Variants in MYO1B observed in about 807,000 individuals in gnomAD.
The protein encoded by MYO1B is unconventional myosin-Ib.
Under a neutral mutation model 159.7 loss-of-function variants are expected in MYO1B, and 72 were observed. That is an observed-to-expected ratio of 0.45 (90% CI 0.37 to 0.55). MYO1B has a LOEUF of 0.55. Among genes scored for constraint, MYO1B ranks in the 20% least tolerant of loss-of-function variants. The probability of loss-of-function intolerance (pLI) is 0.00; values close to 1 mark genes in which losing one functional copy is unlikely to be tolerated. For synonymous variants in MYO1B, 468 were observed against 473.8 expected (o/e 0.99, Z 0.16); for missense variants, 1,062 against 1,364.8 (o/e 0.78, Z 3.50).
Position 191,330,046 on chromosome 2 carries a change from G to A in MYO1B, c.346+17G>A. The A allele has an allele frequency of 6.2e-7, 1 of 1,603,662 alleles. No homozygotes were observed. The highest frequency in any genetic ancestry group is 2.2e-5 in the East Asian group (1 of 44,634). On this transcript the variant is annotated intron_variant, in intron 4 of 30. Coordinates refer to ENST00000392318, the MANE Select transcript of MYO1B (RefSeq NM_001130158.3). The stretch of plus-strand genomic sequence containing the variant: ...GAAAAACAGGTAAGGCTCCTACCAA[G>A]CAACTCTGCAGAAGGTAAATGCTGC...
At chr2:191,257,670 A>G (rs1686538952) in intron 1 of MYO1B, among the ~76,000 whole-genome samples, 1 of 152,186 alleles carries the variant, frequency 6.6e-6, no homozygotes, top group South Asian at 2.1e-4. Context: ...TTTTATAAGT[A>G]TCTTAAAAAT....
At chr2:191,269,359 A>G (rs922351822) in intron 1 of MYO1B, among the ~76,000 whole-genome samples, 4 of 152,226 alleles carry the variant, frequency 2.6e-5, no homozygotes, top group East Asian at 1.9e-4. Flanking sequence ...GTAATGTTCC[A>G]TTTTGTGTAT....
chr2:191,393,019 A>G, intron 19 of MYO1B, 54 bp from the exon 20 acceptor site: 1 of 1,541,338 alleles, frequency 6.5e-7, no homozygotes, highest in Non-Finnish European at 8.9e-7. Context: ...CCTTTCCTGT[A>G]TGCTGTGAGG....
Position 191,372,879 on chromosome 2 carries a change from C to CTTTTTTTTTTTTTTT in MYO1B, c.1185+2599_1185+2613dup, listed in dbSNP as rs34444520. Among the ~76,000 whole-genome samples the CTTTTTTTTTTTTTTT allele has an allele frequency of 2.9e-5, 2 of 70,146 alleles. 1 individual carries two copies. The highest frequency in any genetic ancestry group is 1.2e-4 in the African/African-American group (2 of 16,898). The allele number at this position is 70,146 out of a possible 152,430, so 46.0% of individuals were successfully genotyped here. ...TATGAAAATGCCTGCGTTATATTTCCTTTTTTTTTTTTTTTTTTTTTTTTT... is the reference window on the plus strand; with the variant it reads ...TATGAAAATGCCTGCGTTATATTTCCTTTTTTTTTTTTTTTTTTTTTTTTTTTTTTTTTTTTTTTT... On this transcript the variant is annotated intron_variant, in intron 13 of 30. Transcript: ENST00000392318.
intron 3 of MYO1B, among the ~76,000 whole-genome samples, chr2:191,304,766 T>G (rs978546557): frequency 6.6e-6 from 1 of 152,222 alleles, no homozygotes; most frequent in Non-Finnish European, 1.5e-5. Flanking sequence ...AATTGAAAAG[T>G]GTTTCTGGTA....
intron 11 of MYO1B, among the ~76,000 whole-genome samples, chr2:191,365,518 C>T (rs1473556431): frequency 1.3e-5 from 2 of 152,188 alleles, no homozygotes; most frequent in Non-Finnish European, 2.9e-5. Context: ...ATTGCCTGTC[C>T]TTCCTCCTAA....
chr2:191,393,330 C>T, intron 20 of MYO1B, 108 bp downstream of exon 20: 1 of 1,254,426 alleles, frequency 8.0e-7, no homozygotes, highest in Non-Finnish European at 1.1e-6. Flanking sequence ...TCCCAACAAC[C>T]TCATGAGATA....
At chr2:191,387,910 C>A (rs541352139) in intron 17 of MYO1B, 10 of 193,732 alleles carry the variant, frequency 5.2e-5, no homozygotes, top group Non-Finnish European at 1.1e-4. Flanking sequence ...GCACTTTTTT[C>A]TTCCCTGTGA....
intron 1 of MYO1B, among the ~76,000 whole-genome samples, chr2:191,270,301 A>G (rs1030981450): frequency 1.3e-5 from 2 of 152,348 alleles, no homozygotes; most frequent in Middle Eastern, 3.4e-3. Context: ...TTTGGCTTAT[A>G]GTCTTTTTGC....
At chr2:191,256,261 C>T (rs555448137) in intron 1 of MYO1B, among the ~76,000 whole-genome samples, 55 of 152,272 alleles carry the variant, frequency 3.6e-4, no homozygotes, top group East Asian at 1.9e-4. Flanking sequence ...TAGTAGCCCC[C>T]GGACCCTGGG....
intron 6 of MYO1B, among the ~76,000 whole-genome samples, chr2:191,348,946 T>C (rs115759919): frequency 6.6e-6 from 1 of 152,192 alleles, no homozygotes; most frequent in African/African-American, 2.4e-5. Context: ...CCAATTCTTA[T>C]GCCTACTCCT....
chr2:191,334,885 T>C (rs1574453871), intron 4 of MYO1B, among the ~76,000 whole-genome samples: 1 of 152,342 alleles, frequency 6.6e-6, no homozygotes, highest in East Asian at 1.9e-4. Context: ...TTTTTTCTTT[T>C]AGTTTCAACA....
At chr2:191,370,196 A>C in intron 12 of MYO1B, 31 bp from the exon 13 acceptor site, 1 of 1,514,482 alleles carries the variant, frequency 6.6e-7, no homozygotes, top group Non-Finnish European at 9.2e-7. Flanking sequence ...TTCATGCCTT[A>C]ATTAACCCTT....
rs1382157043 is a variant in MYO1B, at chr2:191,390,334, C to T, written c.1824C>T (p.Asn608=). ...PNDKKAAHIF[N]EALVCHQIRY... is the part of the protein sequence containing the mutation. ...ATAAAAAAGCAGCACACATCTTCAA[C>T]GAGGCTCTAGTGTGTCATCAGATCA... The change falls in exon 18 of 31, where the codon AAC becomes AAT. Residue 608 remains asparagine (N), a synonymous_variant. Transcript: ENST00000392318. 13 of 1,614,120 alleles carry T rather than the reference C, an allele frequency of 8.1e-6. No individual in the cohort carries two copies. The highest frequency in any genetic ancestry group is 2.2e-5 in the East Asian group (1 of 44,894).
chr2:191,246,609 G>A (rs183132674), intron 1 of MYO1B, among the ~76,000 whole-genome samples: 4 of 150,392 alleles, frequency 2.7e-5, no homozygotes, highest in Admixed American at 2.6e-4. Flanking sequence ...TGGTATTGGT[G>A]TGTATGTGTG....
At chr2:191,373,535 GGAGGCCAACGTGCGTGGATCAC>G (rs1231461430) in intron 13 of MYO1B, among the ~76,000 whole-genome samples, 1 of 152,180 alleles carries the variant, frequency 6.6e-6, no homozygotes, top group African/African-American at 2.4e-5. Context: ...CAGCACTTTG[GGAGGCCAACGTGCGTGGATCAC>G]GAGGTCAGGA....
chr2:191,324,663 A>T lies in MYO1B; in HGVS notation c.252-5272A>T, dbSNP rs576878489. On this transcript the variant is annotated intron_variant, in intron 3 of 30. Coordinates refer to ENST00000392318, the MANE Select transcript of MYO1B (RefSeq NM_001130158.3). ...CTTTTCTTGCCCTGAAGCTTGGACTATTTAGGAATGTTTACCAGTGTTGTG... is the reference window on the plus strand; with the variant it reads ...CTTTTCTTGCCCTGAAGCTTGGACTTTTTAGGAATGTTTACCAGTGTTGTG... Among the ~76,000 whole-genome samples, 5 of 152,236 alleles carry T rather than the reference A, an allele frequency of 3.3e-5. No homozygotes were observed. In the East Asian group the frequency reaches 9.6e-4, roughly 29 times the overall value.
intron 3 of MYO1B, among the ~76,000 whole-genome samples, chr2:191,316,066 G>A (rs899509942): frequency 1.3e-5 from 2 of 152,162 alleles, no homozygotes; most frequent in African/African-American, 4.8e-5. Flanking sequence ...TCCTTCAGGT[G>A]CCTTGTAGTT....
intron 4 of MYO1B, among the ~76,000 whole-genome samples, chr2:191,333,386 C>G (rs529531556): frequency 6.6e-6 from 1 of 152,296 alleles, no homozygotes; most frequent in African/African-American, 2.4e-5. Context: ...TCTTTCTGAT[C>G]TCAATAAATG....
Sources: gnomAD v4.1 joint callset for allele counts (sites outside exome capture counted in the v4.1 genomes callset) on GRCh38, gnomAD v4.1.1 for gene constraint, MANE v1.5 for transcripts, NCBI Gene and HGNC (gene_info 2026-07-23, HGNC 2026-07-21) for gene names.